EEF1D: variants seen among roughly 807,000 people sequenced by gnomAD.
EEF1D encodes the protein elongation factor 1-delta.
Under a neutral mutation model 63.9 loss-of-function variants are expected in EEF1D, and 47 were observed. The ratio of observed to expected loss-of-function variants is 0.74; its 90% CI spans 0.58 to 0.94. EEF1D has a LOEUF of 0.94. Ranked by LOEUF, EEF1D falls within the 40% of genes least tolerant of loss-of-function variation. The pLI is 0.00. For synonymous variants in EEF1D, 412 were observed against 386.1 expected, an observed-to-expected ratio of 1.07 and a Z score of -0.79; for missense variants, 907 against 899.0, an observed-to-expected ratio of 1.01 and a Z score of -0.11.
At chr8:143,592,784 G>A (rs928023267) in intron 1 of EEF1D, 124 bp from the exon 2 acceptor site, 2 of 798,986 alleles carry the variant, frequency 2.5e-6, no homozygotes, top group Non-Finnish European at 3.0e-6. Context: ...TGGCGAGGTG[G>A]TGTGGAGGTG....
chr8:143,587,770 C>T (rs1311173124), intron 3 of EEF1D, among the ~76,000 whole-genome samples: 1 of 152,274 alleles, frequency 6.6e-6, no homozygotes, highest in Non-Finnish European at 1.5e-5. Flanking sequence ...TGTGGTTTTA[C>T]TGGCACAAAG....
At chr8:143,591,657 C>A (rs577651381) in intron 2 of EEF1D, among the ~76,000 whole-genome samples, 1 of 152,356 alleles carries the variant, frequency 6.6e-6, no homozygotes, top group African/African-American at 2.4e-5. Flanking sequence ...TCTAGTGGAG[C>A]CTGAGGGCAG....
At position 143,589,836 on chromosome 8, in the gene EEF1D, C is replaced by A. The variant is rs138931466; in HGVS notation, c.246G>T (p.Lys82Asn). 2.5e-6 allele frequency: 4 copies of A among 1,604,376 alleles called. No individual in the cohort carries two copies. The highest frequency in any genetic ancestry group is 3.4e-6 in the Non-Finnish European group (4 of 1,177,258). Residue 82 changes from lysine to asparagine, a missense_variant, in exon 3 of 10, where the codon AAG (lysine) becomes AAT (asparagine). Coordinates refer to ENST00000618139, the MANE Select transcript of EEF1D (RefSeq NM_001130053.5). The part of the protein sequence containing the change: ...RDPRKSQDSR[K>N]PLQKKRKRSP... ...AGCGCTTCCTCTTTTTCTGCAGGGG[C>A]TTCCTGCTGTCCTGGCTCTTCCTGG...
chr8:143,595,008 C>A (rs550751223), intron 1 of EEF1D, among the ~76,000 whole-genome samples: 3 of 152,236 alleles, frequency 2.0e-5, no homozygotes, highest in Admixed American at 1.3e-4. Context: ...CCGGTTCAAG[C>A]GATTCTCCTG....
chr8:143,593,210 G>A (rs141119228), intron 1 of EEF1D, among the ~76,000 whole-genome samples: 2 of 152,060 alleles, frequency 1.3e-5, no homozygotes, highest in African/African-American at 2.4e-5. Flanking sequence ...AGGAGCCACC[G>A]TCAAGACAGG....
chr8:143,583,330 G>C (rs1357796194), intron 5 of EEF1D: 1 of 152,248 alleles, frequency 6.6e-6, no homozygotes, highest in Non-Finnish European at 1.5e-5. Flanking sequence ...CTTTGTTATA[G>C]CAGCAAACCA....
intron 5 of EEF1D, among the ~76,000 whole-genome samples, chr8:143,584,530 G>A (rs1422650852): frequency 6.6e-6 from 1 of 152,110 alleles, no homozygotes; most frequent in African/African-American, 2.4e-5. Context: ...TCATGCCACT[G>A]TACTCCAGCC....
At chr8:143,593,865 A>T (rs1828375873) in intron 1 of EEF1D, 1 of 985,304 alleles carries the variant, frequency 1.0e-6, no homozygotes, top group Non-Finnish European at 1.2e-6. Context: ...ATTCCCAAGC[A>T]TGGGAGGACC....
intron 2 of EEF1D, 102 bp downstream of exon 2, chr8:143,592,545 G>A: frequency 1.1e-6 from 1 of 945,408 alleles, no homozygotes; most frequent in Non-Finnish European, 1.3e-6. Flanking sequence ...GGGCAGACTG[G>A]GCCATGCGCA....
chr8:143,594,965 G>A (rs529538409), intron 1 of EEF1D, among the ~76,000 whole-genome samples: 1 of 152,298 alleles, frequency 6.6e-6, no homozygotes, highest in South Asian at 2.1e-4. Flanking sequence ...GAGTGCAGTG[G>A]CGCGATCTTG....
At position 143,589,913 on chromosome 8, in the gene EEF1D, G is replaced by T; in HGVS notation, c.169C>A (p.Pro57Thr). 6.3e-7 allele frequency: 1 copy of T among 1,599,356 alleles called. No homozygotes were observed. ...PAMNGPGQDD[P>T]EDADEAEAPD... ...GCTTCCGCCTCATCAGCGTCCTCAG[G>T]GTCGTCCTGGCCGGGCCCATTCATG... Residue 57 changes from proline to threonine, a missense_variant, in exon 3 of 10, where the codon CCT (proline) becomes ACT (threonine). Coordinates refer to ENST00000618139, the MANE Select transcript of EEF1D (RefSeq NM_001130053.5).
chr8:143,586,771 G>T lies in EEF1D; in HGVS notation c.1173C>A (p.Phe391Leu). ...KFKYDDAERR[F>L]YEQMNGPVAG... is the part of the protein sequence containing the mutation. ...CCACAGGCCCGTTCATCTGCTCGTA[G>T]AATCTCCTTTCTGCGTCGTCATATT... The change falls in exon 4 of 10, where the codon TTC (phenylalanine) becomes TTA (leucine). Residue 391 changes from phenylalanine (F) to leucine (L), a missense_variant. By Grantham distance (22) the Phe-to-Leu change is conservative. Transcript: ENST00000618139. 2 of 1,614,170 alleles carry T rather than the reference G, an allele frequency of 1.2e-6. No individual in the cohort carries two copies. Among genetic ancestry groups the T allele is most frequent in the Non-Finnish European group, 8.5e-7 (1 of 1,180,028 alleles).
At position 143,589,462 on chromosome 8, in the gene EEF1D, T is replaced by G. The variant is rs773179322; in HGVS notation, c.620A>C (p.Asp207Ala). The change falls in exon 3 of 10, where the codon GAC (aspartate) becomes GCC (alanine). Residue 207 changes from aspartate to alanine, a missense_variant. Physicochemically the swap from Asp to Ala is moderately radical, Grantham distance 126. Coordinates refer to ENST00000618139, the MANE Select transcript of EEF1D (RefSeq NM_001130053.5). ...CGGTGGGCTGGGCTGGTGGGCCAGG[T>G]CGGGGACGGCCACCTGCTGGCCTGT... is the stretch of plus-strand genomic sequence containing the variant. ...PNTGQQVAVP[D>A]LAHQPSPPVN... 4 of 1,527,890 alleles carry G rather than the reference T, an allele frequency of 2.6e-6. No individual in the cohort carries two copies. In the African/African-American group the frequency reaches 5.5e-5, roughly 21 times the overall value. The allele number at this position is 1,527,890 out of a possible 1,614,324, so 94.6% of individuals were successfully genotyped here. A position where few individuals can be genotyped will look rare whatever the true frequency, so the allele number is the denominator to read the frequency against.
intron 1 of EEF1D, chr8:143,593,783 G>A: frequency 1.1e-6 from 1 of 900,758 alleles, no homozygotes. Flanking sequence ...ACAGCGGGCA[G>A]AGAGCCTCCC....
At position 143,580,547 on chromosome 8, in the gene EEF1D, C is replaced by T. The variant is rs755114917; in HGVS notation, c.1669G>A (p.Ala557Thr). ...AGGATGGAGGACTTGGCCACCAGTG[C>T]AGGCTTCTTGGCCTTCTTCTCCGCG... ...QYAEKKAKKP[A>T]LVAKSSILLD... Residue 557 changes from alanine (A) to threonine (T), a missense_variant, in exon 8 of 10, where the codon GCA becomes ACA. Coordinates refer to ENST00000618139, the MANE Select transcript of EEF1D (RefSeq NM_001130053.5). 10 of 1,613,082 alleles carry T rather than the reference C, an allele frequency of 6.2e-6. No individual in the cohort carries two copies. In the African/African-American group the frequency reaches 1.1e-4, roughly 17 times the overall value.
At position 143,589,687 on chromosome 8, in the gene EEF1D, A is replaced by G. The variant is rs763307061; in HGVS notation, c.395T>C (p.Val132Ala). The G allele has an allele frequency of 3.3e-6, 5 of 1,529,712 alleles. No homozygotes were observed. The African/African-American group carries it at 6.9e-5, about 21-fold the overall frequency. 94.8% of individuals were successfully genotyped at this position (1,529,712 alleles called of 1,614,324 possible). A position where few individuals can be genotyped will look rare whatever the true frequency, so the allele number is the denominator to read the frequency against. The change falls in exon 3 of 10, where the codon GTG (valine) becomes GCG (alanine). Residue 132 changes from valine to alanine, a missense_variant. Coordinates refer to ENST00000618139, the MANE Select transcript of EEF1D (RefSeq NM_001130053.5). ...AGGAGGCCAGGCTGCCTGGGCAGCCACATCTGCCAGCTTCTGGCGGTAGGA... is the reference window on the plus strand; with the variant it reads ...AGGAGGCCAGGCTGCCTGGGCAGCCGCATCTGCCAGCTTCTGGCGGTAGGA... ...ESSYRQKLADVAAQAAWPPAL... is the reference protein window; with the variant it reads ...ESSYRQKLADAAAQAAWPPAL...
intron 1 of EEF1D, chr8:143,593,036 G>A (rs1828233861): frequency 6.6e-6 from 1 of 152,260 alleles, no homozygotes; most frequent in Non-Finnish European, 1.5e-5. Flanking sequence ...GACAAGATAA[G>A]CCAGCGCCCA....
At chr8:143,595,006 A>C (rs1828567716) in intron 1 of EEF1D, among the ~76,000 whole-genome samples, 1 of 152,076 alleles carries the variant, frequency 6.6e-6, no homozygotes, top group Non-Finnish European at 1.5e-5. Flanking sequence ...CCCCGGTTCA[A>C]GCGATTCTCC....
chr8:143,589,728 G>A lies in EEF1D; in HGVS notation c.354C>T (p.Phe118=), dbSNP rs1237552787. ...GGCGGTAGGAGCTCTCTGCCTGGTC[G>A]AAAAGTGACTTGTCCAGCCACACGC... ...AERVWLDKSL[F]DQAESSYRQK... is the part of the protein sequence containing the mutation. Residue 118 remains phenylalanine, a synonymous_variant, in exon 3 of 10, where the codon TTC becomes TTT. Transcript: ENST00000618139. The A allele has an allele frequency of 1.3e-5, 20 of 1,523,554 alleles. No individual in the cohort carries two copies. Among genetic ancestry groups the A allele is most frequent in the Non-Finnish European group, 1.7e-5 (19 of 1,136,092 alleles). The allele number at this position is 1,523,554 out of a possible 1,614,324, so 94.4% of individuals were successfully genotyped here. A position where few individuals can be genotyped will look rare whatever the true frequency, so the allele number is the denominator to read the frequency against.
Sources: gnomAD v4.1 joint callset for allele counts (sites outside exome capture counted in the v4.1 genomes callset) on GRCh38, gnomAD v4.1.1 for gene constraint, MANE v1.5 for transcripts, NCBI Gene and HGNC (gene_info 2026-07-23, HGNC 2026-07-21) for gene names.